Variants in FBXL17 observed in about 807,000 individuals in gnomAD.
FBXL17 encodes F-box and leucine rich repeat protein 17, also known as F-box/LRR-repeat protein 17.
FBXL17 carries 22 observed loss-of-function variants against 66.2 expected under a neutral mutation model. The ratio of observed to expected loss-of-function variants is 0.33; its 90% confidence interval spans 0.24 to 0.47. The LOEUF is 0.47. Among genes scored for constraint, FBXL17 ranks in the 20% least tolerant of loss-of-function variants. The probability of loss-of-function intolerance (pLI) is 1.00; values close to 1 mark genes in which losing one functional copy is unlikely to be tolerated. For missense variants in FBXL17, 878 were observed against 948.2 expected, an observed-to-expected ratio of 0.93 and a Z score of 0.97; for synonymous variants, 474 against 400.5, an observed-to-expected ratio of 1.18 and a Z score of -2.19.
chr5:108,054,694 G>A (rs1477080139), intron 6 of FBXL17, among the ~76,000 whole-genome samples: 4 of 152,186 alleles, frequency 2.6e-5, no homozygotes, highest in African/African-American at 9.7e-5. Flanking sequence ...TTATAAGGCT[G>A]TCCTTTCCTC....
At chr5:108,338,998 T>C (rs1434935077) in intron 4 of FBXL17, among the ~76,000 whole-genome samples, 4 of 152,188 alleles carry the variant, frequency 2.6e-5, no homozygotes, top group East Asian at 1.9e-4. Flanking sequence ...CCAAGTGCCA[T>C]AGGACATTTA....
intron 6 of FBXL17, among the ~76,000 whole-genome samples, chr5:108,133,012 A>G (rs1159619395): frequency 2.0e-5 from 3 of 152,208 alleles, no homozygotes; most frequent in Non-Finnish European, 4.4e-5. Context: ...ATGGTTAAGT[A>G]AAGTGTGATA....
intron 6 of FBXL17, among the ~76,000 whole-genome samples, chr5:108,074,691 G>C (rs1325422830): frequency 6.6e-6 from 1 of 152,140 alleles, no homozygotes; most frequent in Non-Finnish European, 1.5e-5. Flanking sequence ...TAAAGTCATG[G>C]ACAGATTCAT....
At chr5:108,055,302 A>AC (rs1561388225) in intron 6 of FBXL17, among the ~76,000 whole-genome samples, 955 of 33,286 alleles carry the variant, frequency 0.029, 27 homozygotes, top group African/African-American at 0.13. Context: ...AAAAAAAAAA[A>AC]AAAAAAAAAA....
intron 7 of FBXL17, among the ~76,000 whole-genome samples, chr5:108,010,630 ATGGATTATCCC>A (rs1188017405): frequency 2.0e-5 from 3 of 152,198 alleles, no homozygotes; most frequent in African/African-American, 7.2e-5. Context: ...CTTTAGAAAA[ATGGATTATCCC>A]ATGTCTCTAC....
chr5:107,943,404 T>A (rs1318974764), intron 7 of FBXL17, among the ~76,000 whole-genome samples: 1 of 152,104 alleles, frequency 6.6e-6, no homozygotes, highest in East Asian at 1.9e-4. Flanking sequence ...CCATCCACCT[T>A]TTGGTTAACT....
chr5:108,186,698 G>C lies in FBXL17; in HGVS notation c.1615-451C>G, dbSNP rs184638422. Among the ~76,000 whole-genome samples, 11 of 151,922 alleles carry C rather than the reference G, an allele frequency of 7.2e-5. No individual in the cohort carries two copies. The East Asian group carries it at 2.1e-3, about 30-fold the overall frequency. On this transcript the variant is annotated intron_variant, in intron 5 of 8. Transcript: ENST00000542267. ...GGCAGGGGAATTCTTGAACCCGGGA[G>C]GCAGAGGTTGCAGTGAGCCCAGATC...
At chr5:108,133,202 T>G in intron 6 of FBXL17, among the ~76,000 whole-genome samples, 1 of 152,154 alleles carries the variant, frequency 6.6e-6, no homozygotes, top group East Asian at 1.9e-4. Flanking sequence ...TTGAAGTAAA[T>G]TTTAAACTTC....
chr5:108,133,976 T>A (rs1751036555), intron 6 of FBXL17, among the ~76,000 whole-genome samples: 1 of 152,132 alleles, frequency 6.6e-6, no homozygotes, highest in South Asian at 2.1e-4. Flanking sequence ...TTTGTAATGT[T>A]CTAATACTAC....
chr5:107,941,750 G>A (rs1016620015), intron 7 of FBXL17, among the ~76,000 whole-genome samples: 1 of 152,054 alleles, frequency 6.6e-6, no homozygotes, highest in Non-Finnish European at 1.5e-5. Context: ...AGATAAGAAG[G>A]ACCTTTCAGC....
At chr5:108,087,456 CAGGG>C (rs1256489485) in intron 6 of FBXL17, among the ~76,000 whole-genome samples, 1 of 152,066 alleles carries the variant, frequency 6.6e-6, no homozygotes, top group Non-Finnish European at 1.5e-5. Flanking sequence ...GACACTCCAA[CAGGG>C]AATATATGCT....
chr5:108,290,766 TG>T (rs1561509837), intron 4 of FBXL17, among the ~76,000 whole-genome samples: 1 of 152,170 alleles, frequency 6.6e-6, no homozygotes, highest in Non-Finnish European at 1.5e-5. Flanking sequence ...TATCTTTTGT[TG>T]GATCTATTCC....
chr5:107,914,263 C>A (rs192147999), intron 7 of FBXL17, among the ~76,000 whole-genome samples: 3,540 of 152,192 alleles, frequency 0.023, 75 homozygotes, highest in Non-Finnish European at 0.033. Context: ...GTACTGATTA[C>A]ACTACTCCTT....
intron 4 of FBXL17, among the ~76,000 whole-genome samples, chr5:108,237,067 G>A (rs1257334729): frequency 6.6e-6 from 1 of 152,124 alleles, no homozygotes; most frequent in Admixed American, 6.6e-5. Flanking sequence ...TACTGGTTTA[G>A]GGAACCATAA....
At chr5:108,239,971 G>A (rs1755781305) in intron 4 of FBXL17, among the ~76,000 whole-genome samples, 1 of 151,986 alleles carries the variant, frequency 6.6e-6, no homozygotes, top group Non-Finnish European at 1.5e-5. Context: ...AAAAGAACCT[G>A]CCATCTTGAA....
intron 7 of FBXL17, among the ~76,000 whole-genome samples, chr5:107,927,320 A>G (rs1335491680): frequency 1.3e-5 from 2 of 152,148 alleles, no homozygotes; most frequent in Non-Finnish European, 2.9e-5. Context: ...GCAATGGTGT[A>G]GGCAATTAAC....
At chr5:108,009,096 A>G (rs1209417455) in intron 7 of FBXL17, among the ~76,000 whole-genome samples, 1 of 147,312 alleles carries the variant, frequency 6.8e-6, no homozygotes, top group Non-Finnish European at 1.5e-5. Context: ...TTTCCACACA[A>G]TTTTTTTTCT....
chr5:108,306,706 C>T (rs1758857221), intron 4 of FBXL17, among the ~76,000 whole-genome samples: 1 of 151,946 alleles, frequency 6.6e-6, no homozygotes, highest in African/African-American at 2.4e-5. Flanking sequence ...GTATAAAAGA[C>T]AGGGGATAGC....
At chr5:108,191,699 T>C (rs147770283) in intron 5 of FBXL17, among the ~76,000 whole-genome samples, 1 of 152,204 alleles carries the variant, frequency 6.6e-6, no homozygotes, top group Non-Finnish European at 1.5e-5. Context: ...AAAGCTTGCA[T>C]CCAGGCCTAC....
Sources: allele counts gnomAD v4.1 joint callset (sites outside exome capture counted in the v4.1 genomes callset), GRCh38; gene constraint gnomAD v4.1.1; transcripts MANE v1.5; gene names NCBI Gene and HGNC (gene_info 2026-07-23, HGNC 2026-07-21).